Variants in HSD17B14 observed in about 807,000 individuals in gnomAD.
HSD17B14 encodes the protein L-fucose dehydrogenase.
In HSD17B14, 32 loss-of-function variants were observed where a neutral mutation model predicts 32.2. The ratio of observed to expected loss-of-function variants is 0.99; its 90% CI spans 0.75 to 1.33. The LOEUF is 1.33. Among genes scored for constraint, HSD17B14 ranks in the 40% most tolerant of loss-of-function variants. HSD17B14 has a pLI of 0.00. For missense variants in HSD17B14, 370 were observed against 366.5 expected, an observed-to-expected ratio of 1.01 and a Z score of -0.08; for synonymous variants, 140 against 155.4, an observed-to-expected ratio of 0.90 and a Z score of 0.74.
rs982657947 is a variant in HSD17B14 at position 48,813,141 on chromosome 19, C to T, written c.*34G>A. ...GGTTGGAGTTTGGGGTGGGAGAGTC[C>T]TAGGAAGGGGGCCCCAAGTAGAAAT... On this transcript the variant is annotated 3_prime_UTR_variant, in exon 9 of 9. Transcript: ENST00000263278. The T allele has an allele frequency of 8.5e-6, 13 of 1,522,726 alleles. No homozygotes were observed. The highest frequency in any genetic ancestry group is 1.4e-5 in the African/African-American group (1 of 73,204). 94.3% of individuals were successfully genotyped at this position (1,522,726 alleles called of 1,614,324 possible).
chr19:48,817,931 G>A (rs1321829797), intron 5 of HSD17B14, among the ~76,000 whole-genome samples: 2 of 152,192 alleles, frequency 1.3e-5, no homozygotes, highest in Non-Finnish European at 2.9e-5. Flanking sequence ...AGGGCATCAC[G>A]TGACACCTGA....
intron 6 of HSD17B14, among the ~76,000 whole-genome samples, chr19:48,814,825 C>T (rs960942234): frequency 1.4e-5 from 2 of 144,496 alleles, no homozygotes; most frequent in East Asian, 2.0e-4. Context: ...GGTGACAGAG[C>T]GAGACTCCAT....
At chr19:48,827,999 A>C (rs1391120963) in intron 5 of HSD17B14, among the ~76,000 whole-genome samples, 5 of 150,900 alleles carry the variant, frequency 3.3e-5, no homozygotes, top group Non-Finnish European at 5.9e-5. Context: ...GGACTACAGG[A>C]GCCCGCCACC....
At chr19:48,816,553 G>A (rs143790974) in intron 5 of HSD17B14, among the ~76,000 whole-genome samples, 388 of 152,290 alleles carry the variant, frequency 2.5e-3, no homozygotes, top group African/African-American at 8.9e-3. Flanking sequence ...TCAGTCCACA[G>A]TGTCAATGCT....
At chr19:48,819,655 A>G (rs1406865072) in intron 5 of HSD17B14, among the ~76,000 whole-genome samples, 1 of 152,128 alleles carries the variant, frequency 6.6e-6, no homozygotes, top group African/African-American at 2.4e-5. Context: ...CATTACTTCC[A>G]GGAAGTTTGG....
At chr19:48,821,633 TTGATGG>T (rs1424790890) in intron 5 of HSD17B14, among the ~76,000 whole-genome samples, 3 of 151,564 alleles carry the variant, frequency 2.0e-5, no homozygotes, top group Non-Finnish European at 4.4e-5. Context: ...CTATGGGATT[TTGATGG>T]TGATGGTGAT....
intron 5 of HSD17B14, among the ~76,000 whole-genome samples, chr19:48,821,242 C>T (rs571971707): frequency 2.6e-5 from 4 of 151,716 alleles, no homozygotes; most frequent in Non-Finnish European, 4.4e-5. Context: ...CTCGATCTCC[C>T]GACCTCGTGA....
chr19:48,833,550 G>A (rs2035385638), intron 3 of HSD17B14, among the ~76,000 whole-genome samples: 1 of 151,710 alleles, frequency 6.6e-6, no homozygotes. Context: ...AAATTAGCCA[G>A]ACACGGTGGC....
chr19:48,816,864 A>G (rs563160700), intron 5 of HSD17B14, among the ~76,000 whole-genome samples: 1 of 128,272 alleles, frequency 7.8e-6, no homozygotes, highest in Admixed American at 8.6e-5. Context: ...CAGATAGGGT[A>G]TCACTCTGTT....
intron 5 of HSD17B14, among the ~76,000 whole-genome samples, chr19:48,829,265 T>G (rs1362505498): frequency 1.3e-5 from 2 of 151,778 alleles, no homozygotes; most frequent in Non-Finnish European, 2.9e-5. Context: ...CACGGCTCAC[T>G]GCAGCCTCCA....
rs374275811 is a variant in HSD17B14 at position 48,836,317 on chromosome 19, G to C, written c.88+7C>G. 22 of 1,608,440 alleles carry C rather than the reference G, an allele frequency of 1.4e-5. No individual in the cohort carries two copies. Among genetic ancestry groups the C allele is most frequent in the Non-Finnish European group, 1.7e-6 (2 of 1,177,868 alleles). Reference sequence around the variant, plus strand: ...TCCACAGCTCCCAGCAGTCAGACCCGGCTCACCGAAGGCGCGCACGATCCC... The same window carrying C: ...TCCACAGCTCCCAGCAGTCAGACCCCGCTCACCGAAGGCGCGCACGATCCC... On this transcript the variant is annotated splice_region_variant and intron_variant, in intron 1 of 8. Coordinates refer to ENST00000263278, the MANE Select transcript of HSD17B14 (RefSeq NM_016246.3).
chr19:48,831,443 C>T (rs1479705940), intron 5 of HSD17B14, among the ~76,000 whole-genome samples: 1 of 152,102 alleles, frequency 6.6e-6, no homozygotes, highest in Non-Finnish European at 1.5e-5. Flanking sequence ...ATCCCAGTTA[C>T]TCAGGAGGCT....
At position 48,813,083 on chromosome 19, in the gene HSD17B14, G is replaced by C; in HGVS notation, c.*92C>G. 6.4e-6 allele frequency: 5 copies of C among 779,434 alleles called. No individual in the cohort carries two copies. Among genetic ancestry groups the C allele is most frequent in the Non-Finnish European group, 1.0e-5 (5 of 489,286 alleles). 48.3% of individuals were successfully genotyped at this position (779,434 alleles called of 1,614,324 possible). A position where few individuals can be genotyped will look rare whatever the true frequency, so the allele number is the denominator to read the frequency against. ...CCCGGCACCTTGCTAACTGGGCTTA[G>C]AGTCTAAGGGCTTGGGGGCTGCATC... is the stretch of plus-strand genomic sequence containing the variant. On this transcript the variant is annotated 3_prime_UTR_variant, in exon 9 of 9. Transcript: ENST00000263278.
At chr19:48,826,542 T>TATATATATATATATACACACACACAC in intron 5 of HSD17B14, among the ~76,000 whole-genome samples, 1 of 80,120 alleles carries the variant, frequency 1.2e-5, no homozygotes, top group African/African-American at 5.2e-5. Context: ...TATATATATA[T>TATATATATATATATACACACACACAC]ACACACACAC....
rs2035146115 is a variant in HSD17B14, at chr19:48,821,363, T to C, written c.370-6222A>G. Among the ~76,000 whole-genome samples, 4 of 152,300 alleles carry C rather than the reference T, an allele frequency of 2.6e-5. No homozygotes were observed. In the South Asian group the frequency reaches 8.3e-4, roughly 32 times the overall value. On this transcript the variant is annotated intron_variant, in intron 5 of 8. Transcript: ENST00000263278. ...CAATCCAGCTCTGAGAGACTACAAC[T>C]GAAACCCCTGTGTTCAACACCTTCT...
At chr19:48,825,790 C>T (rs554421748) in intron 5 of HSD17B14, among the ~76,000 whole-genome samples, 4 of 152,092 alleles carry the variant, frequency 2.6e-5, no homozygotes, top group East Asian at 1.9e-4. Flanking sequence ...CTCCCTGCCC[C>T]GCAGGTCCTG....
intron 8 of HSD17B14, 35 bp downstream of exon 8, chr19:48,813,421 A>G: frequency 6.4e-7 from 1 of 1,572,604 alleles, no homozygotes; most frequent in South Asian, 1.2e-5. Context: ...CCCCCATGCC[A>G]CCTTCTACCA....
At chr19:48,816,036 A>AG (rs1363969917) in intron 5 of HSD17B14, among the ~76,000 whole-genome samples, 1 of 151,496 alleles carries the variant, frequency 6.6e-6, no homozygotes, top group Admixed American at 6.6e-5. Flanking sequence ...AAAAAAAAAA[A>AG]AAAAAAAGAA....
chr19:48,825,579 G>C (rs928117406), intron 5 of HSD17B14, among the ~76,000 whole-genome samples: 1 of 152,076 alleles, frequency 6.6e-6, no homozygotes, highest in African/African-American at 2.4e-5. Context: ...CCGAAGTGCT[G>C]AGATTGCAGC....
Sources: allele counts gnomAD v4.1 joint callset (sites outside exome capture counted in the v4.1 genomes callset), GRCh38; gene constraint gnomAD v4.1.1; transcripts MANE v1.5; gene names NCBI Gene and HGNC (gene_info 2026-07-23, HGNC 2026-07-21).